The following NME7 variants were observed in gnomAD, a reference collection of about 807,000 sequenced individuals.
NME7 encodes nucleoside diphosphate kinase 7.
In NME7, 41 loss-of-function variants were observed where a neutral mutation model predicts 49.1. That is an observed-to-expected ratio of 0.83 (90% CI 0.65 to 1.08). The LOEUF is 1.08. Ranked by LOEUF, NME7 falls within the 50% of genes least tolerant of loss-of-function variation. The pLI, the probability that NME7 is intolerant of heterozygous loss-of-function variation, is 0.00. For missense variants in NME7, 423 were observed against 463.4 expected (o/e 0.91, Z 0.80); for synonymous variants, 139 against 150.6 (o/e 0.92, Z 0.56).
At chr1:169,322,677 A>AATATAT (rs143850615) in intron 3 of NME7, among the ~76,000 whole-genome samples, 10 of 148,686 alleles carry the variant, frequency 6.7e-5, no homozygotes, top group African/African-American at 2.2e-4. Flanking sequence ...ATTAGATATA[A>AATATAT]ATATATATAT....
Position 169,299,068 on chromosome 1 carries a change from C to A in NME7, c.441-305G>T, listed in dbSNP as rs185817034. On this transcript the variant is annotated intron_variant, in intron 5 of 11. Coordinates refer to ENST00000367811, the MANE Select transcript of NME7 (RefSeq NM_013330.5). The stretch of plus-strand genomic sequence containing the variant: ...GCATACTGTTGACCTATGCTTTTCC[C>A]AGTGCTCTAACAGGTACAGAGGATT... Among the ~76,000 whole-genome samples the A allele has an allele frequency of 2.3e-4, 35 of 152,202 alleles. No homozygotes were observed. In the East Asian group the frequency reaches 6.4e-3, roughly 28 times the overall value.
At chr1:169,205,527 T>C (rs1374481479) in intron 10 of NME7, among the ~76,000 whole-genome samples, 1 of 152,176 alleles carries the variant, frequency 6.6e-6, no homozygotes, top group African/African-American at 2.4e-5. Context: ...TATTAGCTGA[T>C]ATAATCCTCA....
chr1:169,359,468 G>C (rs1016040206), intron 1 of NME7, among the ~76,000 whole-genome samples: 6 of 151,192 alleles, frequency 4.0e-5, no homozygotes, highest in Admixed American at 2.6e-4. Context: ...ATGTATCTCT[G>C]TGTGTGTGTG....
intron 11 of NME7, among the ~76,000 whole-genome samples, chr1:169,163,188 T>C (rs1659300044): frequency 6.6e-6 from 1 of 151,962 alleles, no homozygotes; most frequent in South Asian, 2.1e-4. Context: ...ACTGGTGACA[T>C]GAGATGACAA....
chr1:169,355,187 TTATAGATATAATATATAA>T (rs1220365889), intron 1 of NME7, among the ~76,000 whole-genome samples: 6 of 44,666 alleles, frequency 1.3e-4, no homozygotes, highest in Admixed American at 4.7e-4. Context: ...ATACTATATA[TTATAGATATAATATATAA>T]TATATATTAT....
chr1:169,355,036 A>G lies in NME7; in HGVS notation c.3+12672T>C, dbSNP rs867979782. ...TATATAATATAATTATATATTATAT[A>G]TTATAGATATAATATATAATATACT... On this transcript the variant is annotated intron_variant, in intron 1 of 11. Transcript: ENST00000367811. 7.1e-3 allele frequency among the ~76,000 whole-genome samples: 523 copies of G among 73,240 alleles called. 10 individuals are homozygous for G. Among genetic ancestry groups the G allele is most frequent in the South Asian group, 0.03 (77 of 2,610 alleles). 48.0% of individuals were successfully genotyped at this position (73,240 alleles called of 152,430 possible). A position where few individuals can be genotyped will look rare whatever the true frequency, so the allele number is the denominator to read the frequency against.
chr1:169,230,354 G>A (rs992412343), intron 10 of NME7, among the ~76,000 whole-genome samples: 1 of 152,000 alleles, frequency 6.6e-6, no homozygotes, highest in African/African-American at 2.4e-5. Context: ...TGTTGCCACT[G>A]TATTATAAAA....
At chr1:169,253,135 C>G (rs1648714587) in intron 7 of NME7, among the ~76,000 whole-genome samples, 1 of 152,054 alleles carries the variant, frequency 6.6e-6, no homozygotes. Flanking sequence ...GGCATTGATT[C>G]TATAAATTAC....
chr1:169,139,128 T>C (rs1658518592), intron 11 of NME7, among the ~76,000 whole-genome samples: 2 of 152,244 alleles, frequency 1.3e-5, no homozygotes, highest in Admixed American at 6.5e-5. Context: ...AGTGTGAACT[T>C]AGTCATAACA....
chr1:169,236,212 C>T (rs978846483), intron 8 of NME7, among the ~76,000 whole-genome samples: 10 of 152,124 alleles, frequency 6.6e-5, no homozygotes, highest in Middle Eastern at 3.4e-3. Context: ...AGAATTTGAG[C>T]CAGAAATGAT....
intron 10 of NME7, among the ~76,000 whole-genome samples, chr1:169,211,686 T>C (rs1044512054): frequency 1.3e-5 from 2 of 152,106 alleles, no homozygotes; most frequent in African/African-American, 2.4e-5. Flanking sequence ...AATGTGAAGA[T>C]TTGAATCCCA....
chr1:169,298,909 T>C, intron 5 of NME7, 146 bp from the exon 6 acceptor site: 1 of 737,684 alleles, frequency 1.4e-6, no homozygotes, highest in Non-Finnish European at 2.1e-6. Context: ...TAATTTTACA[T>C]GGGCAGGAGA....
At chr1:169,230,125 C>T (rs1215686639) in intron 10 of NME7, among the ~76,000 whole-genome samples, 1 of 152,108 alleles carries the variant, frequency 6.6e-6, no homozygotes, top group Admixed American at 6.5e-5. Flanking sequence ...ATAATCCTAT[C>T]AAGTTTCTAA....
chr1:169,357,694 A>G (rs1653511041), intron 1 of NME7, among the ~76,000 whole-genome samples: 1 of 152,118 alleles, frequency 6.6e-6, no homozygotes, highest in Non-Finnish European at 1.5e-5. Context: ...CATAAATGAT[A>G]AAACTGTACT....
rs1339012039 is a variant in NME7 at position 169,261,223 on chromosome 1, G to A, written c.755-23536C>T. Among the ~76,000 whole-genome samples, 3 of 133,790 alleles carry A rather than the reference G, an allele frequency of 2.2e-5. 1 individual carries two copies. The highest frequency in any genetic ancestry group is 4.6e-4 in the South Asian group (2 of 4,392). 87.8% of individuals were successfully genotyped at this position (133,790 alleles called of 152,430 possible). ...TTATAAGTGATATTTATTGTTTGTG[G>A]TATTTATAGTTCTGAAGTTATTAAA... On this transcript the variant is annotated intron_variant, in intron 7 of 11. Coordinates refer to ENST00000367811, the MANE Select transcript of NME7 (RefSeq NM_013330.5).
chr1:169,153,915 G>A (rs753216481), intron 11 of NME7, among the ~76,000 whole-genome samples: 6 of 150,898 alleles, frequency 4.0e-5, no homozygotes, highest in Non-Finnish European at 7.4e-5. Context: ...CTGTTGCCCC[G>A]ACTGGTCTTG....
At chr1:169,330,308 C>T (rs1166972572) in intron 1 of NME7, among the ~76,000 whole-genome samples, 1 of 152,174 alleles carries the variant, frequency 6.6e-6, no homozygotes, top group East Asian at 1.9e-4. Flanking sequence ...TATTATAACA[C>T]TGTAACTGTG....
intron 6 of NME7, among the ~76,000 whole-genome samples, chr1:169,290,960 A>T (rs1486237041): frequency 6.6e-6 from 1 of 152,234 alleles, no homozygotes; most frequent in Non-Finnish European, 1.5e-5. Flanking sequence ...CCACAATGAG[A>T]TACCATCTCA....
intron 4 of NME7, chr1:169,303,474 T>TTTTTTTTTTTG: frequency 5.6e-6 from 1 of 177,322 alleles, no homozygotes; most frequent in Non-Finnish European, 1.1e-5. Context: ...TTTTTTTTTT[T>TTTTTTTTTTTG]TTTTAGATTG....
Sources: allele counts gnomAD v4.1 joint callset (sites outside exome capture counted in the v4.1 genomes callset), GRCh38; gene constraint gnomAD v4.1.1; transcripts MANE v1.5; gene names NCBI Gene and HGNC (gene_info 2026-07-23, HGNC 2026-07-21).